The following HIVEP3 variants were observed in gnomAD, a reference collection of about 807,000 sequenced individuals.
HIVEP3 encodes transcription factor HIVEP3.
HIVEP3 carries 49 observed loss-of-function variants against 152.8 expected under a neutral mutation model. The ratio of observed to expected loss-of-function variants is 0.32; its 90% confidence interval spans 0.26 to 0.41. The LOEUF (loss-of-function observed/expected upper bound fraction) is 0.41. Ranked by LOEUF, HIVEP3 falls within the 10% of genes least tolerant of loss-of-function variation. The pLI is 1.00. For synonymous variants in HIVEP3, 1,269 were observed against 1,289.0 expected (o/e 0.98, Z 0.33); for missense variants, 2,790 against 3,103.3 (o/e 0.90, Z 2.40).
chr1:42,027,715 G>A (rs1047968607), intron 1 of HIVEP3, among the ~76,000 whole-genome samples: 9 of 152,178 alleles, frequency 5.9e-5, no homozygotes, highest in African/African-American at 1.9e-4. Context: ...TTACAGTTCC[G>A]CATGGCTGGG....
At chr1:41,690,360 G>T (rs1336606531) in intron 2 of HIVEP3, among the ~76,000 whole-genome samples, 1 of 152,194 alleles carries the variant, frequency 6.6e-6, no homozygotes, top group Non-Finnish European at 1.5e-5. Flanking sequence ...CTGGTGGAAG[G>T]GTGTGCCTGA....
At chr1:41,645,089 C>T (rs1645438907) in intron 2 of HIVEP3, among the ~76,000 whole-genome samples, 1 of 152,158 alleles carries the variant, frequency 6.6e-6, no homozygotes, top group African/African-American at 2.4e-5. Flanking sequence ...TACTGAGAAC[C>T]ATGCTTTGTC....
At chr1:41,602,537 T>C (rs1014385331) in intron 3 of HIVEP3, among the ~76,000 whole-genome samples, 6 of 152,158 alleles carry the variant, frequency 3.9e-5, no homozygotes, top group Admixed American at 3.9e-4. Context: ...GAATTGTTCA[T>C]AGTAGTCTCT....
At chr1:41,770,174 CAT>C (rs1648261883) in intron 1 of HIVEP3, among the ~76,000 whole-genome samples, 1 of 152,012 alleles carries the variant, frequency 6.6e-6, no homozygotes. Flanking sequence ...GGGGTTTCAC[CAT>C]GTTAGCCAGG....
At chr1:41,552,724 T>G (rs1389218124) in intron 5 of HIVEP3, among the ~76,000 whole-genome samples, 1 of 152,054 alleles carries the variant, frequency 6.6e-6, no homozygotes, top group Admixed American at 6.5e-5. Context: ...GTCCTTTGGG[T>G]ATATACCCAG....
chr1:41,884,213 AC>A (rs1284336210), intron 1 of HIVEP3, among the ~76,000 whole-genome samples: 1 of 152,054 alleles, frequency 6.6e-6, no homozygotes, highest in Non-Finnish European at 1.5e-5. Flanking sequence ...TGATCCACCC[AC>A]CTTGACCTCC....
intron 1 of HIVEP3, among the ~76,000 whole-genome samples, chr1:41,929,358 T>G (rs1287434458): frequency 6.6e-6 from 1 of 152,120 alleles, no homozygotes; most frequent in Admixed American, 6.6e-5. Context: ...CTTTGGCCAA[T>G]AAGAGCTTTT....
At chr1:41,527,690 T>A (rs1643040158) in intron 5 of HIVEP3, among the ~76,000 whole-genome samples, 3 of 98,750 alleles carry the variant, frequency 3.0e-5, no homozygotes, top group African/African-American at 8.4e-5. Flanking sequence ...ACCCTCATGC[T>A]CACCCTCACA....
chr1:42,009,480 T>A (rs1339010864), intron 1 of HIVEP3, among the ~76,000 whole-genome samples: 1 of 152,214 alleles, frequency 6.6e-6, no homozygotes, highest in African/African-American at 2.4e-5. Context: ...TGGGTCTACA[T>A]CAGATATTAT....
intron 3 of HIVEP3, among the ~76,000 whole-genome samples, chr1:41,628,043 G>C (rs1263996592): frequency 6.6e-6 from 1 of 152,152 alleles, no homozygotes; most frequent in African/African-American, 2.4e-5. Context: ...CTGTACTGAA[G>C]CCTGAACATC....
intron 1 of HIVEP3, among the ~76,000 whole-genome samples, chr1:41,988,158 T>C (rs1256205027): frequency 1.3e-5 from 2 of 152,176 alleles, no homozygotes; most frequent in Non-Finnish European, 2.9e-5. Flanking sequence ...GAAAAGCTTC[T>C]TGACACTGGA....
At chr1:41,564,700 A>T (rs917311856) in intron 5 of HIVEP3, among the ~76,000 whole-genome samples, 1 of 152,278 alleles carries the variant, frequency 6.6e-6, no homozygotes, top group African/African-American at 2.4e-5. Flanking sequence ...AAAATAGAAT[A>T]AAGACATTTC....
At chr1:41,728,645 G>A (rs539290389) in intron 1 of HIVEP3, among the ~76,000 whole-genome samples, 6 of 152,336 alleles carry the variant, frequency 3.9e-5, no homozygotes, top group Non-Finnish European at 7.3e-5. Flanking sequence ...AGTGATACGG[G>A]CATGCCACTG....
chr1:41,972,075 T>G lies in HIVEP3; in HGVS notation n.120-53551A>C, dbSNP rs533172976. 1.1e-4 allele frequency among the ~76,000 whole-genome samples: 17 copies of G among 152,334 alleles called. No individual in the cohort carries two copies. In the South Asian group the frequency reaches 3.5e-3, roughly 32 times the overall value. ...AATATTCTTTATAAATTACCTACTC[T>G]CTAGTATTTTATTATAGCAGCACAA... On this transcript the variant is annotated intron_variant and non_coding_transcript_variant, in intron 1 of 3. Coordinates refer to the HIVEP3 transcript ENST00000489103.
At chr1:41,614,614 A>C (rs1183971483) in intron 3 of HIVEP3, among the ~76,000 whole-genome samples, 1 of 152,226 alleles carries the variant, frequency 6.6e-6, no homozygotes, top group African/African-American at 2.4e-5. Context: ...TTTATTCCAC[A>C]GTAGATTTGA....
chr1:41,684,138 G>A (rs1011925565), intron 2 of HIVEP3, among the ~76,000 whole-genome samples: 8 of 152,222 alleles, frequency 5.3e-5, no homozygotes, highest in Admixed American at 2.0e-4. Flanking sequence ...GGGTCATGAG[G>A]GGAGGTGGGG....
At chr1:41,779,025 C>T (rs1343300257) in intron 1 of HIVEP3, among the ~76,000 whole-genome samples, 1 of 152,178 alleles carries the variant, frequency 6.6e-6, no homozygotes, top group Non-Finnish European at 1.5e-5. Flanking sequence ...CTACTCCATA[C>T]CTCATACCTT....
At chr1:41,523,115 C>A (rs2759249) in intron 6 of HIVEP3, among the ~76,000 whole-genome samples, 151,542 of 152,384 alleles carry the variant, frequency 0.99, 75,362 homozygotes, top group East Asian at 1. Context: ...TTAGAGTTGA[C>A]GACCGTCCAT....
At chr1:41,725,787 G>C (rs1303720830) in intron 1 of HIVEP3, among the ~76,000 whole-genome samples, 5 of 152,208 alleles carry the variant, frequency 3.3e-5, no homozygotes, top group African/African-American at 9.6e-5. Context: ...GGACATAGTG[G>C]CTCAGAGAGA....
Sources: allele counts gnomAD v4.1 joint callset (sites outside exome capture counted in the v4.1 genomes callset), GRCh38; gene constraint gnomAD v4.1.1; transcripts MANE v1.5; gene names NCBI Gene and HGNC (gene_info 2026-07-23, HGNC 2026-07-21).